The following DBN1 variants were observed in gnomAD, a reference collection of about 807,000 sequenced individuals.
DBN1 encodes the protein drebrin.
DBN1 carries 21 observed loss-of-function variants against 83.5 expected under a neutral mutation model. That is an observed-to-expected ratio of 0.25 (90% CI 0.18 to 0.36). The LOEUF (loss-of-function observed/expected upper bound fraction) is 0.36, where lower values mean the gene tolerates loss of function less well. Ranked by LOEUF, DBN1 falls within the 10% of genes least tolerant of loss-of-function variation. The pLI, the probability that DBN1 is intolerant of heterozygous loss-of-function variation, is 1.00. For synonymous variants in DBN1, 381 were observed against 384.9 expected, an observed-to-expected ratio of 0.99 and a Z score of 0.12; for missense variants, 874 against 935.7, an observed-to-expected ratio of 0.93 and a Z score of 0.86.
chr5:177,473,549 C>A lies in DBN1; in HGVS notation c.-28G>T. On this transcript the variant is annotated 5_prime_UTR_variant, in exon 1 of 15. Coordinates refer to ENST00000393565, the MANE Select transcript of DBN1 (RefSeq NM_001363541.2). Reference sequence around the variant, plus strand: ...TTCGGGCCGGACCGGGCCGAACGGACAGACGCGCGGACGGACGGGCGGACG... The same window carrying A: ...TTCGGGCCGGACCGGGCCGAACGGAAAGACGCGCGGACGGACGGGCGGACG... 2.2e-6 allele frequency: 3 copies of A among 1,340,524 alleles called. No individual in the cohort carries two copies. The highest frequency in any genetic ancestry group is 1.9e-6 in the Non-Finnish European group (2 of 1,034,442). The allele number at this position is 1,340,524 out of a possible 1,614,324, so 83.0% of individuals were successfully genotyped here.
Position 177,466,697 on chromosome 5 carries a change from C to T in DBN1, c.771+75G>A. 1.3e-6 allele frequency: 2 copies of T among 1,547,808 alleles called. No individual in the cohort carries two copies. The highest frequency in any genetic ancestry group is 1.8e-6 in the Non-Finnish European group (2 of 1,119,696). ...CACTGTCCCTGAGCCACTGATCTCC[C>T]CACAAGGCCCAGGAACACAGGGACC... On this transcript the variant is annotated intron_variant, in intron 8 of 14. Transcript: ENST00000393565. This position sits in a 1 kb window ranked among gnomAD's most constrained non-coding sequence, Gnocchi z 4.8.
chr5:177,462,802 C>A (rs1228154950), intron 8 of DBN1, among the ~76,000 whole-genome samples: 1 of 152,132 alleles, frequency 6.6e-6, no homozygotes, highest in Non-Finnish European at 1.5e-5. Context: ...AGGGCTATCA[C>A]CTCAGTGATA....
Position 177,466,721 on chromosome 5 carries a change from C to T in DBN1, c.771+51G>A, listed in dbSNP as rs1339378784. On this transcript the variant is annotated intron_variant, in intron 8 of 14. Coordinates refer to ENST00000393565, the MANE Select transcript of DBN1 (RefSeq NM_001363541.2). The surrounding 1 kb of genome is among the most constrained non-coding windows in gnomAD (Gnocchi z 4.8). ...CCCACAAGGCCCAGGAACACAGGGA[C>T]CATTCTCACTTCCCTGACCCAGAGA... 12 of 1,594,594 alleles carry T rather than the reference C, an allele frequency of 7.5e-6. No individual in the cohort carries two copies. The highest frequency in any genetic ancestry group is 4.4e-5 in the South Asian group (4 of 90,726).
At position 177,466,982 on chromosome 5, in the gene DBN1, C is replaced by T; in HGVS notation, c.636G>A (p.Glu212=). The change falls in exon 7 of 15, where the codon GAG becomes GAA. Residue 212 remains glutamate (E), a synonymous_variant. Coordinates refer to ENST00000393565, the MANE Select transcript of DBN1 (RefSeq NM_001363541.2). This position sits in a 1 kb window ranked among gnomAD's most constrained non-coding sequence, Gnocchi z 4.8. The stretch of plus-strand genomic sequence containing the variant: ...GCTCCTCTTGCTCCTGCCGCTCCTG[C>T]TCCATCCGCTCCTGCTCGAACCTGA... ...ERLRFEQERM[E]QERQEQEERE... is the part of the protein sequence containing the mutation. The T allele has an allele frequency of 6.2e-7, 1 of 1,613,444 alleles. No individual in the cohort carries two copies. The highest frequency in any genetic ancestry group is 8.5e-7 in the Non-Finnish European group (1 of 1,179,902).
chr5:177,463,122 C>T (rs1026548931), intron 8 of DBN1, among the ~76,000 whole-genome samples: 11 of 151,370 alleles, frequency 7.3e-5, no homozygotes, highest in Non-Finnish European at 1.0e-4. Flanking sequence ...CTGCAAGCTC[C>T]GCCTCCCGGG....
In DBN1 at chr5:177,459,821, G is replaced by A. The variant is rs549078195; in HGVS notation, c.956-81C>T. 28 of 1,360,200 alleles carry A rather than the reference G, an allele frequency of 2.1e-5. No homozygotes were observed. The African/African-American group carries it at 3.1e-4, about 15-fold the overall frequency. 84.3% of individuals were successfully genotyped at this position (1,360,200 alleles called of 1,614,324 possible). A position where few individuals can be genotyped will look rare whatever the true frequency, so the allele number is the denominator to read the frequency against. ...CCCACCCCTGCCCGAGGCCTCTCCC[G>A]CCCCCAGGGCCTGGCCCTGGATGTC... On this transcript the variant is annotated intron_variant, in intron 10 of 14. Coordinates refer to ENST00000393565, the MANE Select transcript of DBN1 (RefSeq NM_001363541.2).
Position 177,458,464 on chromosome 5 carries a change from G to T in DBN1, c.1508C>A (p.Thr503Asn), listed in dbSNP as rs767077874. The change falls in exon 13 of 15, where the codon ACT becomes AAT. Residue 503 changes from threonine (T) to asparagine (N), a missense_variant. Physicochemically the swap from Thr to Asn is moderately conservative, Grantham distance 65. This residue lies in a region of DBN1 where 725 missense variants were observed against 719.7 expected (regional missense o/e 1.01). Coordinates refer to ENST00000393565, the MANE Select transcript of DBN1 (RefSeq NM_001363541.2). The stretch of plus-strand genomic sequence containing the variant: ...GGCAACAGTGGTGTCAGCAGTGGCA[G>T]TGTCAGTTTCAATGGTGTCAGCTGC... The part of the protein sequence containing the change: ...HDAADTIETD[T>N]ATADTTVANN... 6.3e-5 allele frequency: 102 copies of T among 1,613,704 alleles called. No individual in the cohort carries two copies. The highest frequency in any genetic ancestry group is 1.5e-4 in the South Asian group (14 of 91,088).
rs1239726455 is a variant in DBN1, at chr5:177,458,164, G to C, written c.1808C>G (p.Pro603Arg). ...EEVEGESLAAPQTPTLPSALE... is the reference protein window; with the variant it reads ...EEVEGESLAARQTPTLPSALE... Reference sequence around the variant, plus strand: ...GGCTGAGGGCAGAGTTGGGGTCTGGGGGGCAGCCAGGGACTCCCCTTCCAC... The same window carrying C: ...GGCTGAGGGCAGAGTTGGGGTCTGGCGGGCAGCCAGGGACTCCCCTTCCAC... The change falls in exon 13 of 15, where the codon CCC becomes CGC. Residue 603 changes from proline to arginine, a missense_variant. Around this residue, in one of 4 missense-constraint regions of DBN1, gnomAD observed 725 missense variants for 719.7 expected, o/e 1.01. Coordinates refer to ENST00000393565, the MANE Select transcript of DBN1 (RefSeq NM_001363541.2). 1 of 1,612,908 alleles carries C rather than the reference G, an allele frequency of 6.2e-7. No individual in the cohort carries two copies. Among genetic ancestry groups the C allele is most frequent in the Non-Finnish European group, 8.5e-7 (1 of 1,179,722 alleles).
chr5:177,457,302 C>T lies in DBN1; in HGVS notation c.*131G>A. The T allele has an allele frequency of 2.6e-6, 2 of 775,202 alleles. No homozygotes were observed. The highest frequency in any genetic ancestry group is 4.5e-6 in the Non-Finnish European group (2 of 441,696). The allele number at this position is 775,202 out of a possible 1,614,324, so 48.0% of individuals were successfully genotyped here. On this transcript the variant is annotated 3_prime_UTR_variant, in exon 15 of 15. Transcript: ENST00000393565. ...CTGTGGGTAGGGAAGCGGCCAAGTCCCCAGCCAGGGCCGGAATCCGGAGTG... is the reference window on the plus strand; with the variant it reads ...CTGTGGGTAGGGAAGCGGCCAAGTCTCCAGCCAGGGCCGGAATCCGGAGTG...
In DBN1 at chr5:177,467,937, C is replaced by A; in HGVS notation, c.256-120G>T. 2.1e-6 allele frequency: 3 copies of A among 1,399,330 alleles called. No homozygotes were observed. Among genetic ancestry groups the A allele is most frequent in the Non-Finnish European group, 3.0e-6 (3 of 996,270 alleles). The allele number at this position is 1,399,330 out of a possible 1,614,324, so 86.7% of individuals were successfully genotyped here. On this transcript the variant is annotated intron_variant, in intron 3 of 14. Transcript: ENST00000393565. The surrounding 1 kb of genome is among the most constrained non-coding windows in gnomAD (Gnocchi z 9.1). ...TCCCTCTCCACGGGTGTCAGAGGGC[C>A]GACGGGGAGGGCGACTGCTCTGGGC...
chr5:177,468,704 G>A, intron 2 of DBN1, 140 bp downstream of exon 2: 1 of 508,194 alleles, frequency 2.0e-6, no homozygotes, highest in African/African-American at 1.9e-5. Flanking sequence ...ATGACTGGAG[G>A]AAGGACACCC....
At chr5:177,468,671 C>A in intron 2 of DBN1, 173 bp downstream of exon 2, 1 of 444,982 alleles carries the variant, frequency 2.2e-6, no homozygotes. Context: ...TCTGAGATTC[C>A]TCCCCACCCT....
chr5:177,463,817 T>A (rs568072229), intron 8 of DBN1, among the ~76,000 whole-genome samples: 1 of 152,372 alleles, frequency 6.6e-6, no homozygotes, highest in South Asian at 2.1e-4. Flanking sequence ...CATGTGTGTA[T>A]GTTTGAAATG....
At chr5:177,464,188 C>T (rs545949888) in intron 8 of DBN1, among the ~76,000 whole-genome samples, 1 of 151,834 alleles carries the variant, frequency 6.6e-6, no homozygotes, top group South Asian at 2.1e-4. Flanking sequence ...TGGCTCACGC[C>T]TGTAATTCCA....
At chr5:177,472,871 G>C (rs1379396912) in intron 1 of DBN1, 2 of 985,224 alleles carry the variant, frequency 2.0e-6, no homozygotes, top group Non-Finnish European at 1.2e-6. Flanking sequence ...CCCAGGTTTC[G>C]GGGGGAGGGC....
Position 177,459,186 on chromosome 5 carries a change from G to A in DBN1, c.1176C>T (p.Thr392=). Reference sequence around the variant, plus strand: ...CCCGCTCTATCTGCTCAGCGACAGGGGTGGAGGCGGTGCTGGAGTCAGACG... The same window carrying A: ...CCCGCTCTATCTGCTCAGCGACAGGAGTGGAGGCGGTGCTGGAGTCAGACG... The part of the protein sequence containing the change: ...RSPSDSSTAS[T]PVAEQIERAL... The change falls in exon 12 of 15, where the codon ACC becomes ACT. Residue 392 remains threonine (T), a synonymous_variant. Transcript: ENST00000393565. The A allele has an allele frequency of 6.2e-7, 1 of 1,611,578 alleles. No individual in the cohort carries two copies. Among genetic ancestry groups the A allele is most frequent in the Non-Finnish European group, 8.5e-7 (1 of 1,179,086 alleles).
chr5:177,457,965 G>C (rs776926457), intron 13 of DBN1, 93 bp downstream of exon 13: 5 of 1,539,288 alleles, frequency 3.2e-6, no homozygotes, highest in East Asian at 4.5e-5. Context: ...CACAGAGAAG[G>C]GGGTACTGGT....
At chr5:177,463,149 G>T (rs1581724036) in intron 8 of DBN1, among the ~76,000 whole-genome samples, 1 of 152,066 alleles carries the variant, frequency 6.6e-6, no homozygotes, top group African/African-American at 2.4e-5. Flanking sequence ...CCATTCTCCT[G>T]CCTCAGCCTC....
intron 8 of DBN1, among the ~76,000 whole-genome samples, chr5:177,464,951 G>C (rs536474143): frequency 6.6e-6 from 1 of 151,680 alleles, no homozygotes; most frequent in African/African-American, 2.4e-5. Flanking sequence ...TCAGGAGATC[G>C]AGACCACCCT....
Sources: allele counts gnomAD v4.1 joint callset (sites outside exome capture counted in the v4.1 genomes callset), GRCh38; gene constraint gnomAD v4.1.1; regional missense constraint gnomAD v4.1.1; non-coding constraint Gnocchi (gnomAD v3.1); transcripts MANE v1.5; gene names NCBI Gene and HGNC (gene_info 2026-07-23, HGNC 2026-07-21).